The following RPGRIP1 variants were observed in gnomAD, a reference collection of about 807,000 sequenced individuals.
RPGRIP1 encodes RPGR interacting protein 1.
RPGRIP1 carries 128 observed loss-of-function variants against 157.9 expected under a neutral mutation model. The observed-to-expected ratio is 0.81, with a 90% confidence interval of 0.70 to 0.94. The LOEUF (loss-of-function observed/expected upper bound fraction) is 0.94, where lower values mean the gene tolerates loss of function less well. Among genes scored for constraint, RPGRIP1 ranks in the 40% least tolerant of loss-of-function variants. RPGRIP1 has a pLI of 0.00. For missense variants in RPGRIP1, 1,486 were observed against 1,545.8 expected (o/e 0.96, Z 0.65); for synonymous variants, 554 against 571.6 (o/e 0.97, Z 0.44).
intron 20 of RPGRIP1, among the ~76,000 whole-genome samples, chr14:21,331,644 A>G (rs942142882): frequency 5.3e-5 from 8 of 152,178 alleles, no homozygotes; most frequent in African/African-American, 1.9e-4. Flanking sequence ...AGTGGTCAGA[A>G]TAGTGGTTAC....
intron 16 of RPGRIP1, 183 bp from the exon 17 acceptor site, chr14:21,325,648 G>T: frequency 1.6e-6 from 1 of 636,242 alleles, no homozygotes; most frequent in Non-Finnish European, 2.7e-6. Flanking sequence ...GTGAGTGCCA[G>T]TATCTCCCTG....
chr14:21,328,715 G>A (rs1566348956), intron 19 of RPGRIP1, 88 bp downstream of exon 19: 4 of 955,334 alleles, frequency 4.2e-6, no homozygotes, highest in East Asian at 4.9e-5. Context: ...AGAAGCAGAA[G>A]CAGACACACA....
chr14:21,324,292 A>G, intron 14 of RPGRIP1: 1 of 385,666 alleles, frequency 2.6e-6, no homozygotes, highest in South Asian at 2.4e-5. Context: ...TGGAATTACC[A>G]GTTAATCATA....
chr14:21,293,421 G>T, intron 2 of RPGRIP1, among the ~76,000 whole-genome samples: 1 of 152,046 alleles, frequency 6.6e-6, no homozygotes, highest in Admixed American at 6.6e-5. Flanking sequence ...TCCTTGTGTA[G>T]GTCCAAATTA....
intron 3 of RPGRIP1, among the ~76,000 whole-genome samples, chr14:21,296,171 G>A (rs1474078397): frequency 2.7e-5 from 4 of 150,270 alleles, no homozygotes; most frequent in African/African-American, 7.4e-5. Flanking sequence ...GTGCGATCTC[G>A]GCTCACTGCA....
intron 2 of RPGRIP1, 61 bp from the exon 3 acceptor site, chr14:21,294,616 C>G (rs1880683451): frequency 1.9e-6 from 3 of 1,543,382 alleles, no homozygotes; most frequent in Non-Finnish European, 1.8e-6. Context: ...GATGAGACAT[C>G]TAAAGGGTTC....
rs776461437 is a variant in RPGRIP1 at position 21,301,251 on chromosome 14, C to T, written c.490+14C>T. 40 of 1,570,862 alleles carry T rather than the reference C, an allele frequency of 2.5e-5. No homozygotes were observed. The Middle Eastern group carries it at 6.7e-4, about 26-fold the overall frequency. On this transcript the variant is annotated intron_variant, in intron 4 of 24. Transcript: ENST00000400017. The stretch of plus-strand genomic sequence containing the variant: ...AACCCAAGAGGGGTGAGATTTAAGG[C>T]TACATCCCCTACAGGGCTAAGACAC...
chr14:21,320,287 C>G, intron 12 of RPGRIP1, 110 bp downstream of exon 12: 7 of 1,033,336 alleles, frequency 6.8e-6, no homozygotes, highest in Non-Finnish European at 8.5e-6. Flanking sequence ...TTTGTCCTGA[C>G]TGAGGACACT....
chr14:21,307,638 G>A (rs1461076508), intron 6 of RPGRIP1, 93 bp from the exon 7 acceptor site: 1 of 764,410 alleles, frequency 1.3e-6, no homozygotes, highest in Admixed American at 2.2e-5. Flanking sequence ...CAAGAGACAA[G>A]AGGGAGGTAT....
At chr14:21,346,271 C>T (rs1286349140) in intron 23 of RPGRIP1, among the ~76,000 whole-genome samples, 3 of 151,486 alleles carry the variant, frequency 2.0e-5, no homozygotes, top group Non-Finnish European at 4.4e-5. Context: ...ATTATTTGGT[C>T]GGGTGCAGTG....
intron 2 of RPGRIP1, among the ~76,000 whole-genome samples, chr14:21,288,481 C>G (rs1367520978): frequency 6.7e-6 from 1 of 148,726 alleles, no homozygotes; most frequent in Non-Finnish European, 1.5e-5. Flanking sequence ...GTGCCTGGCC[C>G]TCTTCTCACA....
chr14:21,325,217 C>T lies in RPGRIP1; in HGVS notation c.2216-15C>T. 3 of 1,590,992 alleles carry T rather than the reference C, an allele frequency of 1.9e-6. No individual in the cohort carries two copies. The highest frequency in any genetic ancestry group is 2.6e-6 in the Non-Finnish European group (3 of 1,170,462). On this transcript the variant is annotated splice_polypyrimidine_tract_variant and intron_variant, in intron 15 of 24. Coordinates refer to ENST00000400017, the MANE Select transcript of RPGRIP1 (RefSeq NM_020366.4). ...CATCTGTATTCCCCCTGCTTTCACA[C>T]TTTCTGCTACCCAGGAGCTGGTGGA...
At chr14:21,280,181 A>G (rs915321764) in intron 1 of RPGRIP1, among the ~76,000 whole-genome samples, 22 bp downstream of exon 1, 1 of 151,398 alleles carries the variant, frequency 6.6e-6, no homozygotes, top group African/African-American at 2.4e-5. Context: ...TCTGATGCAT[A>G]TTTATAGTTT....
intron 24 of RPGRIP1, among the ~76,000 whole-genome samples, chr14:21,350,868 C>T (rs907842650): frequency 6.6e-6 from 1 of 152,120 alleles, no homozygotes; most frequent in Non-Finnish European, 1.5e-5. Flanking sequence ...TCCAGAAATC[C>T]TTTCCAATTT....
intron 24 of RPGRIP1, among the ~76,000 whole-genome samples, chr14:21,349,272 G>A (rs977375456): frequency 6.6e-6 from 1 of 151,398 alleles, no homozygotes; most frequent in East Asian, 1.9e-4. Context: ...CTTTCACCAT[G>A]TTGCCCAGGC....
chr14:21,321,803 T>C, intron 13 of RPGRIP1, 51 bp from the exon 14 acceptor site: 1 of 1,574,842 alleles, frequency 6.3e-7, no homozygotes, highest in Non-Finnish European at 8.6e-7. Context: ...TTTTATGCTC[T>C]TTGGTTTTAG....
chr14:21,325,413 A>G, intron 16 of RPGRIP1, 30 bp downstream of exon 16: 1 of 1,551,130 alleles, frequency 6.4e-7, no homozygotes. Context: ...GAGGCATCTC[A>G]GAGGAGCCTC....
At chr14:21,331,476 T>G (rs1444160101) in intron 20 of RPGRIP1, among the ~76,000 whole-genome samples, 1 of 151,998 alleles carries the variant, frequency 6.6e-6, no homozygotes, top group East Asian at 1.9e-4. Context: ...GAGCTGAGAT[T>G]ATACCACTGC....
intron 6 of RPGRIP1, among the ~76,000 whole-genome samples, chr14:21,304,424 A>AAAGAAAGAAAGAAAGAAAGAAAGAAAGG (rs1566673316): frequency 6.6e-6 from 1 of 151,282 alleles, no homozygotes; most frequent in South Asian, 2.1e-4. Context: ...AGAAAGAAAG[A>AAAGAAAGAAAGAAAGAAAGAAAGAAAGG]AAGAAAGAAA....
Sources: allele counts gnomAD v4.1 joint callset (sites outside exome capture counted in the v4.1 genomes callset), GRCh38; gene constraint gnomAD v4.1.1; transcripts MANE v1.5; gene names NCBI Gene and HGNC (gene_info 2026-07-23, HGNC 2026-07-21).